ERBB4: variants seen among roughly 807,000 people sequenced by gnomAD.
The protein encoded by ERBB4 is receptor tyrosine-protein kinase erbB-4.
ERBB4 carries 42 observed loss-of-function variants against 158.0 expected under a neutral mutation model. The ratio of observed to expected loss-of-function variants is 0.27; its 90% CI spans 0.21 to 0.34. The LOEUF (loss-of-function observed/expected upper bound fraction) is 0.34, where lower values mean the gene tolerates loss of function less well. Among genes scored for constraint, ERBB4 ranks in the 10% least tolerant of loss-of-function variants. ERBB4 has a pLI of 1.00. For missense variants in ERBB4, 1,333 were observed against 1,624.1 expected (o/e 0.82, Z 3.08); for synonymous variants, 583 against 558.7 (o/e 1.04, Z -0.61).
chr2:211,745,148 G>A (rs562049442), intron 5 of ERBB4, among the ~76,000 whole-genome samples: 1 of 152,148 alleles, frequency 6.6e-6, no homozygotes, highest in Non-Finnish European at 1.5e-5. Context: ...AATAACAGAA[G>A]AGTCAGTGGA....
chr2:212,300,400 A>G (rs983339404), intron 1 of ERBB4, among the ~76,000 whole-genome samples: 11 of 151,556 alleles, frequency 7.3e-5, no homozygotes, highest in Admixed American at 4.6e-4. Flanking sequence ...AATAAAACAT[A>G]TATGTTGTTA....
At chr2:212,330,910 C>T (rs930425067) in intron 1 of ERBB4, among the ~76,000 whole-genome samples, 5 of 150,914 alleles carry the variant, frequency 3.3e-5, no homozygotes, top group African/African-American at 4.8e-5. Flanking sequence ...ATATATATGG[C>T]TCAGTGAGGT....
chr2:211,468,194 G>C (rs1243599432), intron 20 of ERBB4, among the ~76,000 whole-genome samples: 1 of 152,126 alleles, frequency 6.6e-6, no homozygotes, highest in Non-Finnish European at 1.5e-5. Context: ...AAAATAAAGA[G>C]AGCAAAGGTC....
At chr2:211,917,317 GA>G (rs11464744) in intron 3 of ERBB4, among the ~76,000 whole-genome samples, 6 of 151,102 alleles carry the variant, frequency 4.0e-5, no homozygotes, top group South Asian at 2.1e-4. Context: ...CAGAGATATG[GA>G]AAAAAAAATG....
rs1347742717 is a variant in ERBB4, at chr2:211,905,740, G to GTA, written c.421+41689_421+41690insTA. Among the ~76,000 whole-genome samples, 82 of 95,954 alleles carry GTA rather than the reference G, an allele frequency of 8.5e-4. 2 individuals are homozygous for GTA. Among genetic ancestry groups the GTA allele is most frequent in the African/African-American group, 2.6e-3 (76 of 29,654 alleles). The allele number at this position is 95,954 out of a possible 152,430, so 62.9% of individuals were successfully genotyped here. ...TATGTGTGTGTATGTGTGTGCATGT[G>GTA]TGTGTATATATATATATATATATAC... On this transcript the variant is annotated intron_variant, in intron 3 of 27. Coordinates refer to ENST00000342788, the MANE Select transcript of ERBB4 (RefSeq NM_005235.3).
rs906058251 is a variant in ERBB4 at position 211,866,906 on chromosome 2, C to G, written c.422-78747G>C. On this transcript the variant is annotated intron_variant, in intron 3 of 27. Transcript: ENST00000342788. The stretch of plus-strand genomic sequence containing the variant: ...ACATAAACCAAAAAAGGGGGACCTC[C>G]TCTTTCAGCTTTAGAGTGCTCCCCT... Among the ~76,000 whole-genome samples the G allele has an allele frequency of 2.6e-5, 4 of 151,498 alleles. No individual in the cohort carries two copies. The East Asian group carries it at 7.8e-4, about 30-fold the overall frequency.
chr2:211,791,741 G>A (rs2076283356), intron 3 of ERBB4, among the ~76,000 whole-genome samples: 1 of 151,760 alleles, frequency 6.6e-6, no homozygotes, highest in South Asian at 2.1e-4. Flanking sequence ...AAATGTCATG[G>A]TTAAATAGAG....
chr2:212,358,892 A>C (rs1419485577), intron 1 of ERBB4, among the ~76,000 whole-genome samples: 2 of 151,772 alleles, frequency 1.3e-5, no homozygotes, highest in African/African-American at 4.8e-5. Context: ...ATATGAAAAA[A>C]GATGAATACA....
chr2:212,507,141 C>T (rs1691235513), intron 1 of ERBB4, among the ~76,000 whole-genome samples: 2 of 151,686 alleles, frequency 1.3e-5, no homozygotes, highest in Admixed American at 6.6e-5. Context: ...TAGTTGACAA[C>T]ACATCTGTTG....
At chr2:211,885,242 A>T (rs1280574025) in intron 3 of ERBB4, among the ~76,000 whole-genome samples, 1 of 152,158 alleles carries the variant, frequency 6.6e-6, no homozygotes, top group Non-Finnish European at 1.5e-5. Flanking sequence ...AATGAAACTC[A>T]TGTTTTATAA....
Position 211,424,257 on chromosome 2 carries a change from C to G in ERBB4, c.2764G>C (p.Asp922His), listed in dbSNP as rs1339233847. 1.2e-6 allele frequency: 2 copies of G among 1,613,116 alleles called. No homozygotes were observed. Among genetic ancestry groups the G allele is most frequent in the Admixed American group, 3.3e-5 (2 of 59,862 alleles). Residue 922 changes from aspartate to histidine, a missense_variant, in exon 23 of 28, where the codon GAT (aspartate) becomes CAT (histidine). Asp to His is a moderately conservative substitution (Grantham distance 81). This residue lies in a region of ERBB4 where 314 missense variants were observed against 437.6 expected (regional missense o/e 0.72). Coordinates refer to ENST00000342788, the MANE Select transcript of ERBB4 (RefSeq NM_005235.3). ...GGGATTTCTCGCGTTGGAATTCCAT[C>G]ATAGGGTTTTCCTCCAAAGGTCATC... The part of the protein sequence containing the change: ...ELMTFGGKPY[D>H]GIPTREIPDL...
At chr2:211,690,101 A>G (rs756237384) in intron 12 of ERBB4, among the ~76,000 whole-genome samples, 18 of 149,334 alleles carry the variant, frequency 1.2e-4, no homozygotes, top group Non-Finnish European at 2.4e-4. Flanking sequence ...CATCTAATAT[A>G]TATTCAGTGC....
intron 2 of ERBB4, among the ~76,000 whole-genome samples, chr2:212,018,572 GA>G (rs2076577742): frequency 6.6e-6 from 1 of 152,082 alleles, no homozygotes; most frequent in South Asian, 2.1e-4. Context: ...AGACCCCTTT[GA>G]AAAGCTATTG....
At chr2:211,888,724 T>A (rs1444011716) in intron 3 of ERBB4, among the ~76,000 whole-genome samples, 1 of 152,110 alleles carries the variant, frequency 6.6e-6, no homozygotes, top group South Asian at 2.1e-4. Flanking sequence ...GGGCGAGGCA[T>A]TGCCTCACCT....
rs139548326 is a variant in ERBB4 at position 211,598,679 on chromosome 2, C to T, written c.2301+20498G>A. Among the ~76,000 whole-genome samples the T allele has an allele frequency of 2.4e-3, 371 of 152,228 alleles. 2 individuals carry two copies. Among genetic ancestry groups the T allele is most frequent in the African/African-American group, 8.6e-3 (357 of 41,546 alleles). On this transcript the variant is annotated intron_variant, in intron 19 of 27. Transcript: ENST00000342788. ...ATACATTCTTACCATTGGAATACTCCTATTTATTTCTTTTGTATAGACTTT... is the reference window on the plus strand; with the variant it reads ...ATACATTCTTACCATTGGAATACTCTTATTTATTTCTTTTGTATAGACTTT...
chr2:211,897,704 G>A (rs1345726687), intron 3 of ERBB4, among the ~76,000 whole-genome samples: 20 of 151,828 alleles, frequency 1.3e-4, no homozygotes, highest in East Asian at 1.9e-4. Flanking sequence ...TTTTTTAAAT[G>A]GGGAAGATTC....
At chr2:211,486,948 A>G (rs114440717) in intron 20 of ERBB4, among the ~76,000 whole-genome samples, 3,117 of 151,692 alleles carry the variant, frequency 0.021, 107 homozygotes, top group African/African-American at 0.071. Flanking sequence ...CAGATAATAT[A>G]TTCTTAAAAT....
intron 20 of ERBB4, among the ~76,000 whole-genome samples, chr2:211,523,881 G>C (rs375236298): frequency 0.035 from 5,356 of 152,080 alleles, 301 homozygotes; most frequent in African/African-American, 0.12. Flanking sequence ...TGGTAGAGCC[G>C]AGTGGTCTGT....
intron 3 of ERBB4, among the ~76,000 whole-genome samples, chr2:211,898,696 G>A (rs1010831984): frequency 5.3e-5 from 8 of 152,042 alleles, no homozygotes; most frequent in Admixed American, 4.6e-4. Flanking sequence ...ACATTTTCAG[G>A]ATCATTAAAT....
Sources: allele counts gnomAD v4.1 joint callset (sites outside exome capture counted in the v4.1 genomes callset), GRCh38; gene constraint gnomAD v4.1.1; regional missense constraint gnomAD v4.1.1; transcripts MANE v1.5; gene names NCBI Gene and HGNC (gene_info 2026-07-23, HGNC 2026-07-21).